Variants in PLA1A observed in about 807,000 individuals in gnomAD.
PLA1A encodes the protein phosphatidylserine-specific phospholipase A1alpha.
A neutral mutation model predicts 49.4 loss-of-function variants in PLA1A; 47 were observed. The observed-to-expected ratio is 0.95, with a 90% CI of 0.75 to 1.21. PLA1A has a LOEUF of 1.21. Among genes scored for constraint, PLA1A ranks in the 50% most tolerant of loss-of-function variants. The pLI is 0.00. For missense variants in PLA1A, 561 were observed against 563.9 expected (o/e 0.99, Z 0.05); for synonymous variants, 224 against 207.9 (o/e 1.08, Z -0.67).
intron 9 of PLA1A, among the ~76,000 whole-genome samples, chr3:119,627,979 G>A (rs190215652): frequency 2.0e-5 from 3 of 151,966 alleles, no homozygotes; most frequent in East Asian, 1.9e-4. Flanking sequence ...CCAAAGTGGT[G>A]CCTGAATCTT....
intron 8 of PLA1A, chr3:119,620,153 T>A (rs575080116): frequency 4.2e-5 from 19 of 456,744 alleles, no homozygotes; most frequent in African/African-American, 3.6e-4. Context: ...GTAACGATGT[T>A]AAATGTGAAG....
intron 1 of PLA1A, among the ~76,000 whole-genome samples, chr3:119,604,493 A>C (rs1399194401): frequency 4.6e-5 from 7 of 152,240 alleles, no homozygotes; most frequent in Non-Finnish European, 1.0e-4. Flanking sequence ...CATTATGTTA[A>C]GTGAAATAAG....
chr3:119,613,893 C>CCA (rs2082805988), intron 5 of PLA1A, among the ~76,000 whole-genome samples: 1 of 146,668 alleles, frequency 6.8e-6, no homozygotes, highest in African/African-American at 2.6e-5. Context: ...ACTCTGTCTC[C>CCA]AAAAAAAAGA....
rs61733986 is a variant in PLA1A, at chr3:119,619,645, G to A, written c.1005G>A (p.Pro335=). The A allele has an allele frequency of 0.12, 194,803 of 1,603,316 alleles. 13,455 individuals are homozygous for A. Among genetic ancestry groups the A allele is most frequent in the Non-Finnish European group, 0.14 (164,697 of 1,170,146 alleles). ...KVYLLTTSSA[P]YCMHHSLVEF... ...ACCTCCTGACTACTTCCAGTGCTCC[G>A]TACTGCAGTGAGTAGGGGGAAATGC... Residue 335 remains proline, a synonymous_variant, in exon 8 of 11, where the codon CCG becomes CCA. Transcript: ENST00000273371.
At chr3:119,606,672 G>T (rs2082692865) in intron 1 of PLA1A, 102 bp from the exon 2 acceptor site, 1 of 797,712 alleles carries the variant, frequency 1.3e-6, no homozygotes, top group Non-Finnish European at 2.0e-6. Context: ...CCCCATGCCT[G>T]CAGGCCCCTG....
At chr3:119,613,156 C>T (rs1055555004) in intron 5 of PLA1A, 38 bp downstream of exon 5, 1 of 1,383,536 alleles carries the variant, frequency 7.2e-7, no homozygotes, top group Non-Finnish European at 1.0e-6. Context: ...AGGGAATGAG[C>T]TCAAGGCAGC....
chr3:119,613,913 T>G, intron 5 of PLA1A, among the ~76,000 whole-genome samples: 1 of 148,894 alleles, frequency 6.7e-6, no homozygotes, highest in African/African-American at 2.5e-5. Context: ...AAAAAAAGAA[T>G]CCCTTTTCCA....
At position 119,602,339 on chromosome 3, in the gene PLA1A, T is replaced by G. The variant is rs74809908; in HGVS notation, c.73+4353T>G. Among the ~76,000 whole-genome samples the G allele has an allele frequency of 8.3e-4, 127 of 152,344 alleles. 2 individuals carry two copies. In the East Asian group the frequency reaches 0.021, roughly 25 times the overall value. ...TTCCTTTATGCTATAGTTTTACATT[T>G]GATTTTCTGTTTTTCCTTTCTTGAC... On this transcript the variant is annotated intron_variant, in intron 1 of 10. Transcript: ENST00000273371.
At position 119,619,647 on chromosome 3, in the gene PLA1A, A is replaced by AC. The variant is rs755677154; in HGVS notation, c.1008dup (p.Cys337LeufsTer27). 2.5e-6 allele frequency: 4 copies of AC among 1,602,646 alleles called. No homozygotes were observed. The African/African-American group carries it at 5.4e-5, about 21-fold the overall frequency. On this transcript the variant is annotated frameshift_variant, in exon 8 of 11. Coordinates refer to ENST00000273371, the MANE Select transcript of PLA1A (RefSeq NM_015900.4). LOFTEE classifies it high-confidence loss of function. ...CTCCTGACTACTTCCAGTGCTCCGT[A>AC]CTGCAGTGAGTAGGGGGAAATGCAT...
At position 119,625,116 on chromosome 3, in the gene PLA1A, T is replaced by C; in HGVS notation, c.1013-8T>C. On this transcript the variant is annotated splice_region_variant and splice_polypyrimidine_tract_variant and intron_variant, in intron 8 of 10. Coordinates refer to ENST00000273371, the MANE Select transcript of PLA1A (RefSeq NM_015900.4). ...CTGGCCAGTCTCTGTTGTGCTTTGG[T>C]TTCCTAGTGCATCACAGCCTCGTGG... 6.3e-7 allele frequency: 1 copy of C among 1,594,792 alleles called. No homozygotes were observed. The highest frequency in any genetic ancestry group is 1.7e-5 in the Admixed American group (1 of 59,994).
intron 1 of PLA1A, chr3:119,600,398 A>G (rs1428718144): frequency 2.1e-5 from 15 of 702,766 alleles, no homozygotes; most frequent in Non-Finnish European, 3.6e-5. Context: ...GTCTTCCTCC[A>G]TCTGGGGTAG....
intron 8 of PLA1A, among the ~76,000 whole-genome samples, chr3:119,622,149 G>GAAGAA (rs2082945426): frequency 7.1e-5 from 9 of 126,236 alleles, no homozygotes; most frequent in Non-Finnish European, 1.1e-4. Flanking sequence ...AGGAGGAGGA[G>GAAGAA]GAAGAAGAAG....
chr3:119,614,871 G>A (rs536908698), intron 5 of PLA1A, among the ~76,000 whole-genome samples: 40 of 152,212 alleles, frequency 2.6e-4, no homozygotes, highest in Non-Finnish European at 5.3e-4. Context: ...TACGTGGACT[G>A]TAGGAGTCAT....
At chr3:119,617,872 A>G (rs2082871568) in intron 6 of PLA1A, 147 bp from the exon 7 acceptor site, 1 of 560,740 alleles carries the variant, frequency 1.8e-6, no homozygotes, top group Non-Finnish European at 3.1e-6. Context: ...AACCATGTAC[A>G]CTAATATTCT....
intron 2 of PLA1A, 46 bp downstream of exon 2, chr3:119,607,021 A>G: frequency 2.7e-6 from 4 of 1,457,412 alleles, no homozygotes; most frequent in Non-Finnish European, 3.9e-6. Context: ...AGAATGATCA[A>G]GTAACCATAA....
Position 119,619,596 on chromosome 3 carries a change from C to G in PLA1A, c.956C>G (p.Pro319Arg). 1 of 1,613,762 alleles carries G rather than the reference C, an allele frequency of 6.2e-7. No individual in the cohort carries two copies. The highest frequency in any genetic ancestry group is 8.5e-7 in the Non-Finnish European group (1 of 1,179,684). ...LVEQGGVKIE[P>R]LPKEVKVYLL... The stretch of plus-strand genomic sequence containing the variant: ...GAACAAGGTGGTGTCAAGATAGAGC[C>G]GCTCCCCAAGGAAGTGAAAGTCTAC... The change falls in exon 8 of 11, where the codon CCG becomes CGG. Residue 319 changes from proline (P) to arginine (R), a missense_variant. Physicochemically the swap from Pro to Arg is moderately radical, Grantham distance 103 (BLOSUM62 -2). Coordinates refer to ENST00000273371, the MANE Select transcript of PLA1A (RefSeq NM_015900.4).
At chr3:119,611,547 A>G (rs1252670018) in intron 4 of PLA1A, among the ~76,000 whole-genome samples, 1 of 151,988 alleles carries the variant, frequency 6.6e-6, no homozygotes, top group Non-Finnish European at 1.5e-5. Flanking sequence ...AGGGTTTTAG[A>G]GTTATCCTTG....
intron 1 of PLA1A, among the ~76,000 whole-genome samples, chr3:119,606,077 G>T (rs1028067196): frequency 2.0e-5 from 3 of 152,206 alleles, no homozygotes; most frequent in African/African-American, 7.2e-5. Context: ...TCATTTGGCT[G>T]CCCAGGGTTC....
chr3:119,628,764 C>A lies in PLA1A; in HGVS notation c.1185C>A (p.Asn395Lys), dbSNP rs56163046. Reference sequence around the variant, plus strand: ...ATGCCACCCCACAATGCCAGATAAACCAAGTGAAATTCAAGTTTCAGTCTT... The same window carrying A: ...ATGCCACCCCACAATGCCAGATAAAACAAGTGAAATTCAAGTTTCAGTCTT... ...IAHATPQCQI[N>K]QVKFKFQSSN... The change falls in exon 10 of 11, where the codon AAC becomes AAA. Residue 395 changes from asparagine (N) to lysine (K), a missense_variant. Coordinates refer to ENST00000273371, the MANE Select transcript of PLA1A (RefSeq NM_015900.4). 0.013 allele frequency: 20,783 copies of A among 1,613,900 alleles called. 181 individuals are homozygous for A. Among genetic ancestry groups the A allele is most frequent in the Non-Finnish European group, 0.016 (18,731 of 1,179,796 alleles).
Sources: gnomAD v4.1 joint callset for allele counts (sites outside exome capture counted in the v4.1 genomes callset) on GRCh38, gnomAD v4.1.1 for gene constraint, MANE v1.5 for transcripts, NCBI Gene and HGNC (gene_info 2026-07-23, HGNC 2026-07-21) for gene names.